IQCM: variants seen among roughly 807,000 people sequenced by gnomAD.
IQCM encodes IQ motif containing M, also known as IQ domain-containing protein M.
A neutral mutation model predicts 57.6 loss-of-function variants in IQCM; 45 were observed. The ratio of observed to expected loss-of-function variants is 0.78; its 90% CI spans 0.62 to 1.00. IQCM has a LOEUF of 1.00. IQCM is among the 50% of genes least tolerant of loss of function. The probability of loss-of-function intolerance (pLI) is 0.00; values close to 1 mark genes in which losing one functional copy is unlikely to be tolerated. For missense variants in IQCM, 468 were observed against 511.6 expected (o/e 0.91, Z 0.82); for synonymous variants, 148 against 158.9 (o/e 0.93, Z 0.51).
intron 8 of IQCM, among the ~76,000 whole-genome samples, chr4:149,592,860 C>G (rs993535648): frequency 1.3e-5 from 2 of 152,066 alleles, no homozygotes. Flanking sequence ...GTTACTGTAG[C>G]CTTGTAGTAT....
chr4:149,630,992 T>A (rs946191600), intron 7 of IQCM, among the ~76,000 whole-genome samples: 3 of 152,172 alleles, frequency 2.0e-5, no homozygotes, highest in Non-Finnish European at 4.4e-5. Flanking sequence ...GGTGTCTCAC[T>A]ATACCCAGAC....
chr4:149,804,195 AT>A (rs780158552), intron 2 of IQCM, among the ~76,000 whole-genome samples: 33 of 152,016 alleles, frequency 2.2e-4, no homozygotes, highest in Non-Finnish European at 4.6e-4. Flanking sequence ...CTGTGGGCTT[AT>A]TTCAAAACAG....
chr4:149,790,315 T>C, intron 2 of IQCM: 1 of 223,436 alleles, frequency 4.5e-6, no homozygotes, highest in South Asian at 1.4e-4. Flanking sequence ...TCATGTATTC[T>C]GCATTTGCGA....
intron 8 of IQCM, among the ~76,000 whole-genome samples, chr4:149,604,343 T>C (rs748012181): frequency 2.0e-5 from 3 of 152,252 alleles, no homozygotes; most frequent in African/African-American, 4.8e-5. Context: ...CTATTACCAC[T>C]GCTGCTGCAT....
chr4:149,505,500 T>C (rs1020530499), intron 12 of IQCM, among the ~76,000 whole-genome samples: 2 of 152,202 alleles, frequency 1.3e-5, no homozygotes, highest in Middle Eastern at 3.2e-3. Flanking sequence ...AAAATGTTGC[T>C]CTATAGTTTT....
intron 9 of IQCM, among the ~76,000 whole-genome samples, chr4:149,573,873 C>G (rs1024409315): frequency 1.3e-5 from 2 of 151,988 alleles, no homozygotes; most frequent in South Asian, 2.1e-4. Context: ...TAATTCCAAG[C>G]CTTCTTGATC....
At chr4:149,812,676 G>A (rs114860329) in intron 2 of IQCM, among the ~76,000 whole-genome samples, 3,342 of 152,142 alleles carry the variant, frequency 0.022, 65 homozygotes, top group South Asian at 0.036. Context: ...TAGGTTTGAC[G>A]TGATTAGGAC....
intron 12 of IQCM, among the ~76,000 whole-genome samples, chr4:149,454,363 A>G (rs1435290796): frequency 6.6e-6 from 1 of 151,866 alleles, no homozygotes; most frequent in Non-Finnish European, 1.5e-5. Context: ...GAACTAATGC[A>G]GGAACAGAAA....
chr4:149,419,730 G>C (rs924923762), intron 13 of IQCM, among the ~76,000 whole-genome samples: 1 of 152,006 alleles, frequency 6.6e-6, no homozygotes, highest in Non-Finnish European at 1.5e-5. Flanking sequence ...GAAAAATCTT[G>C]CAATCTACCC....
At chr4:149,722,897 C>T (rs1273813905) in intron 5 of IQCM, among the ~76,000 whole-genome samples, 1 of 151,880 alleles carries the variant, frequency 6.6e-6, no homozygotes, top group African/African-American at 2.4e-5. Context: ...ATGGTCATTT[C>T]CATGACATTG....
At chr4:149,635,998 TATC>T (rs1398435487) in intron 7 of IQCM, among the ~76,000 whole-genome samples, 1 of 152,130 alleles carries the variant, frequency 6.6e-6, no homozygotes, top group Non-Finnish European at 1.5e-5. Flanking sequence ...TATTAAGAAA[TATC>T]ATTTAAAAAT....
At chr4:149,356,922 G>C (rs953254673) in intron 13 of IQCM, among the ~76,000 whole-genome samples, 1 of 151,946 alleles carries the variant, frequency 6.6e-6, no homozygotes, top group Admixed American at 6.6e-5. Context: ...TTATTTCATT[G>C]AGCCATGGTT....
intron 13 of IQCM, among the ~76,000 whole-genome samples, chr4:149,418,424 G>A (rs1040835744): frequency 5.3e-5 from 8 of 151,976 alleles, no homozygotes; most frequent in Non-Finnish European, 1.2e-4. Flanking sequence ...CCAACAATGA[G>A]TTCTGAAATT....
intron 13 of IQCM, among the ~76,000 whole-genome samples, chr4:149,382,992 CA>C (rs202088268): frequency 0.24 from 25,273 of 103,784 alleles, 2,184 homozygotes; most frequent in East Asian, 0.42. Context: ...TATTCTTCAG[CA>C]AAAAAAAAAA....
chr4:149,751,593 T>C (rs550270169), intron 2 of IQCM, among the ~76,000 whole-genome samples: 9 of 152,306 alleles, frequency 5.9e-5, no homozygotes, highest in African/African-American at 9.6e-5. Flanking sequence ...GTAATAATCA[T>C]TGTATAATCT....
intron 12 of IQCM, among the ~76,000 whole-genome samples, chr4:149,539,898 T>C (rs1350325291): frequency 6.6e-6 from 1 of 152,036 alleles, no homozygotes; most frequent in Non-Finnish European, 1.5e-5. Context: ...AGAATCTTTA[T>C]TGCATCCTGA....
At chr4:149,618,295 C>T (rs763713598) in intron 8 of IQCM, among the ~76,000 whole-genome samples, 1 of 152,042 alleles carries the variant, frequency 6.6e-6, no homozygotes, top group African/African-American at 2.4e-5. Flanking sequence ...AATTGGAAAG[C>T]CATATGCAGA....
chr4:149,657,506 T>TA, intron 7 of IQCM, among the ~76,000 whole-genome samples: 1 of 152,100 alleles, frequency 6.6e-6, no homozygotes, highest in East Asian at 1.9e-4. Flanking sequence ...ACAGAATTCA[T>TA]CTCCTGTGGA....
chr4:149,569,463 G>A (rs2726750), intron 9 of IQCM, among the ~76,000 whole-genome samples: 35,701 of 152,012 alleles, frequency 0.23, 4,760 homozygotes, highest in Non-Finnish European at 0.29. Context: ...TATGTCCTCA[G>A]TAGAGGACTC....
Sources: gnomAD v4.1 joint callset for allele counts (sites outside exome capture counted in the v4.1 genomes callset) on GRCh38, gnomAD v4.1.1 for gene constraint, MANE v1.5 for transcripts, NCBI Gene and HGNC (gene_info 2026-07-23, HGNC 2026-07-21) for gene names.